Variants in KLHDC1 observed in about 807,000 individuals in gnomAD.
The protein encoded by KLHDC1 is kelch domain containing 1.
KLHDC1 carries 53 observed loss-of-function variants against 68.3 expected under a neutral mutation model. That is an observed-to-expected ratio of 0.78 (90% CI 0.62 to 0.98). The LOEUF is 0.98. KLHDC1 is among the 50% of genes least tolerant of loss of function. The probability of loss-of-function intolerance (pLI) is 0.00; values close to 1 mark genes in which losing one functional copy is unlikely to be tolerated. For synonymous variants in KLHDC1, 148 were observed against 159.0 expected, an observed-to-expected ratio of 0.93 and a Z score of 0.52; for missense variants, 470 against 492.3, an observed-to-expected ratio of 0.95 and a Z score of 0.43.
At chr14:49,706,727 G>A (rs2139735322) in intron 1 of KLHDC1, among the ~76,000 whole-genome samples, 1 of 152,252 alleles carries the variant, frequency 6.6e-6, no homozygotes, top group East Asian at 1.9e-4. Context: ...CTTATTTGAT[G>A]ATCAGTGATG....
chr14:49,726,126 G>A (rs1009784636), intron 6 of KLHDC1, among the ~76,000 whole-genome samples: 2 of 152,216 alleles, frequency 1.3e-5, no homozygotes, highest in Admixed American at 6.5e-5. Flanking sequence ...CGGATTACAG[G>A]CATTATAGGT....
chr14:49,711,417 A>T (rs879783739), intron 4 of KLHDC1, among the ~76,000 whole-genome samples: 61 of 152,054 alleles, frequency 4.0e-4, no homozygotes, highest in Non-Finnish European at 6.6e-4. Context: ...GTTAGCCAGG[A>T]TAATCTCGAT....
At chr14:49,714,865 A>T (rs1001204024) in intron 4 of KLHDC1, among the ~76,000 whole-genome samples, 1 of 147,700 alleles carries the variant, frequency 6.8e-6, no homozygotes, top group Non-Finnish European at 1.5e-5. Context: ...ATGTCTTTAT[A>T]TATTATATAT....
At chr14:49,708,142 C>T (rs1888108699) in intron 1 of KLHDC1, among the ~76,000 whole-genome samples, 1 of 148,246 alleles carries the variant, frequency 6.7e-6, no homozygotes, top group Non-Finnish European at 1.5e-5. Flanking sequence ...ACGATTTCAG[C>T]TCACTGCAAC....
At chr14:49,693,312 G>A in intron 1 of KLHDC1, 22 bp downstream of exon 1, 1 of 1,444,862 alleles carries the variant, frequency 6.9e-7, no homozygotes, top group Non-Finnish European at 9.2e-7. Flanking sequence ...AGGCGGGACG[G>A]GGTAGACTCG....
chr14:49,709,089 A>G (rs1428853861), intron 1 of KLHDC1, 70 bp from the exon 2 acceptor site: 24 of 676,240 alleles, frequency 3.5e-5, no homozygotes, highest in Non-Finnish European at 5.1e-5. Context: ...AATTTTTCTC[A>G]TCCTGAGAAG....
chr14:49,718,025 T>C (rs896168779), intron 4 of KLHDC1, among the ~76,000 whole-genome samples: 21 of 152,048 alleles, frequency 1.4e-4, no homozygotes, highest in African/African-American at 5.1e-4. Flanking sequence ...TAGCTGGGAC[T>C]ACAGGCACGT....
At chr14:49,695,792 C>G (rs1324781054) in intron 1 of KLHDC1, among the ~76,000 whole-genome samples, 1 of 152,172 alleles carries the variant, frequency 6.6e-6, no homozygotes, top group Non-Finnish European at 1.5e-5. Context: ...TGGCCGGGCA[C>G]GTTGGCTCAC....
intron 10 of KLHDC1, among the ~76,000 whole-genome samples, chr14:49,739,671 T>G (rs1439580101): frequency 2.0e-5 from 3 of 152,178 alleles, no homozygotes; most frequent in Non-Finnish European, 4.4e-5. Flanking sequence ...AGGTGATCAG[T>G]TCCTTTTTAA....
intron 4 of KLHDC1, among the ~76,000 whole-genome samples, chr14:49,716,472 C>G (rs964980856): frequency 1.3e-5 from 2 of 152,012 alleles, no homozygotes; most frequent in African/African-American, 2.4e-5. Flanking sequence ...CAACCTCCAC[C>G]TCCCTGGTTC....
At chr14:49,742,811 G>A (rs953267402) in intron 11 of KLHDC1, among the ~76,000 whole-genome samples, 3 of 151,990 alleles carry the variant, frequency 2.0e-5, no homozygotes, top group South Asian at 2.1e-4. Flanking sequence ...AGTGCCAGGC[G>A]TGGTGGCTCA....
At chr14:49,722,611 C>CT (rs1888557099) in intron 4 of KLHDC1, among the ~76,000 whole-genome samples, 1 of 152,176 alleles carries the variant, frequency 6.6e-6, no homozygotes, top group African/African-American at 2.4e-5. Context: ...TGTATTACGC[C>CT]TTTTTCACAC....
intron 6 of KLHDC1, among the ~76,000 whole-genome samples, chr14:49,727,608 T>G (rs1888704556): frequency 1.3e-5 from 2 of 152,184 alleles, no homozygotes; most frequent in South Asian, 2.1e-4. Flanking sequence ...ATTTCAGATT[T>G]CCAGTACTCT....
At chr14:49,693,468 C>T (rs944870138) in intron 1 of KLHDC1, among the ~76,000 whole-genome samples, 178 bp downstream of exon 1, 76 of 151,934 alleles carry the variant, frequency 5.0e-4, no homozygotes, top group African/African-American at 1.8e-3. Context: ...GGCTTGACGT[C>T]GTCCCGCCGT....
Position 49,709,837 on chromosome 14 carries a change from C to G in KLHDC1, c.285+11C>G. 1 of 1,421,810 alleles carries G rather than the reference C, an allele frequency of 7.0e-7. No homozygotes were observed. Among genetic ancestry groups the G allele is most frequent in the East Asian group, 2.4e-5 (1 of 41,704 alleles). The allele number at this position is 1,421,810 out of a possible 1,614,324, so 88.1% of individuals were successfully genotyped here. ...GGATACAGCAATCGAGTAATAATTT[C>G]TTTAATTCAAGAGTGCAGCAAAATG... On this transcript the variant is annotated intron_variant, in intron 3 of 12. Transcript: ENST00000359332.
intron 12 of KLHDC1, 86 bp downstream of exon 12, chr14:49,743,891 C>G (rs1014299146): frequency 2.5e-6 from 2 of 788,740 alleles, no homozygotes; most frequent in Non-Finnish European, 2.1e-6. Context: ...AAATATTTTT[C>G]AGGTTGCTTA....
chr14:49,752,375 A>C lies in KLHDC1; in HGVS notation c.*603A>C, dbSNP rs1889337640. On this transcript the variant is annotated 3_prime_UTR_variant, in exon 13 of 13. Coordinates refer to ENST00000359332, the MANE Select transcript of KLHDC1 (RefSeq NM_172193.3). ...TCACCTTTATTCGAATAGAGGAATAAATGTCTTCAGTTGTCTCTCCATTAC... is the reference window on the plus strand; with the variant it reads ...TCACCTTTATTCGAATAGAGGAATACATGTCTTCAGTTGTCTCTCCATTAC... 4 of 152,518 alleles carry C rather than the reference A, an allele frequency of 2.6e-5. No homozygotes were observed. In the South Asian group the frequency reaches 6.2e-4, roughly 24 times the overall value. 9.4% of individuals were successfully genotyped at this position (152,518 alleles called of 1,614,324 possible).
Position 49,752,085 on chromosome 14 carries a change from A to T in KLHDC1, c.*313A>T, listed in dbSNP as rs916741412. The T allele has an allele frequency of 6.2e-6, 1 of 160,134 alleles. No individual in the cohort carries two copies. The highest frequency in any genetic ancestry group is 1.4e-5 in the Non-Finnish European group (1 of 73,352). 9.9% of individuals were successfully genotyped at this position (160,134 alleles called of 1,614,324 possible). On this transcript the variant is annotated 3_prime_UTR_variant, in exon 13 of 13. Coordinates refer to ENST00000359332, the MANE Select transcript of KLHDC1 (RefSeq NM_172193.3). ...TACATACATTTGAGAATAAGAAATT[A>T]CTCTCAAGAACTTCAGAAATCTGCA... is the stretch of plus-strand genomic sequence containing the variant.
chr14:49,715,676 C>T (rs1264223077), intron 4 of KLHDC1, among the ~76,000 whole-genome samples: 2 of 135,926 alleles, frequency 1.5e-5, no homozygotes, highest in South Asian at 2.3e-4. Flanking sequence ...ACCTGGGAGG[C>T]GGAGGTTGCA....
Sources: gnomAD v4.1 joint callset for allele counts (sites outside exome capture counted in the v4.1 genomes callset) on GRCh38, gnomAD v4.1.1 for gene constraint, MANE v1.5 for transcripts, NCBI Gene and HGNC (gene_info 2026-07-23, HGNC 2026-07-21) for gene names.